Variants in CTNNA2 observed in about 807,000 individuals in gnomAD.
The protein encoded by CTNNA2 is catenin alpha-2.
In CTNNA2, 42 loss-of-function variants were observed where a neutral mutation model predicts 101.0. That is an observed-to-expected ratio of 0.42 (90% CI 0.32 to 0.54). The LOEUF is 0.54. CTNNA2 is among the 20% of genes least tolerant of loss of function. CTNNA2 has a pLI of 0.14. For synonymous variants in CTNNA2, 450 were observed against 456.4 expected (o/e 0.99, Z 0.18); for missense variants, 871 against 1,223.1 (o/e 0.71, Z 4.29).
intron 15 of CTNNA2, among the ~76,000 whole-genome samples, chr2:80,599,914 T>C (rs1697331821): frequency 7.5e-6 from 1 of 133,752 alleles, no homozygotes; most frequent in African/African-American, 2.9e-5. Flanking sequence ...CCTAATGCTA[T>C]CCCTCCCCAC....
At chr2:80,168,459 T>A (rs1269898560) in intron 7 of CTNNA2, among the ~76,000 whole-genome samples, 1 of 152,148 alleles carries the variant, frequency 6.6e-6, no homozygotes, top group African/African-American at 2.4e-5. Context: ...GTCAGATGAA[T>A]GGTACAGTCT....
intron 3 of CTNNA2, among the ~76,000 whole-genome samples, chr2:79,854,919 G>A (rs1279725811): frequency 6.6e-6 from 1 of 152,156 alleles, no homozygotes; most frequent in Non-Finnish European, 1.5e-5. Flanking sequence ...TCCTGGGAAA[G>A]TAGCTAATTT....
At chr2:80,292,500 C>G (rs1301552368) in intron 7 of CTNNA2, among the ~76,000 whole-genome samples, 2 of 152,032 alleles carry the variant, frequency 1.3e-5, no homozygotes, top group African/African-American at 4.8e-5. Flanking sequence ...AGGCTTTTTG[C>G]AGGGCTTAAA....
At chr2:79,644,113 C>T (rs1312937062) in intron 1 of CTNNA2, among the ~76,000 whole-genome samples, 1 of 152,152 alleles carries the variant, frequency 6.6e-6, no homozygotes, top group Non-Finnish European at 1.5e-5. Flanking sequence ...TCTCGGCTCA[C>T]TGCAACCTCT....
chr2:79,791,010 A>C (rs1675228555), intron 3 of CTNNA2, among the ~76,000 whole-genome samples: 1 of 152,218 alleles, frequency 6.6e-6, no homozygotes, highest in Non-Finnish European at 1.5e-5. Flanking sequence ...GAGTTGAATG[A>C]GTCATTTATT....
intron 4 of CTNNA2, among the ~76,000 whole-genome samples, chr2:79,459,237 A>G (rs578078084): frequency 2.0e-5 from 3 of 152,154 alleles, no homozygotes; most frequent in Non-Finnish European, 4.4e-5. Context: ...TGCATTGCAA[A>G]TAAAAATAAC....
chr2:80,073,732 A>T (rs891645908), intron 7 of CTNNA2, among the ~76,000 whole-genome samples: 1 of 71,126 alleles, frequency 1.4e-5, no homozygotes, highest in Non-Finnish European at 2.3e-5. Context: ...TCTCTCTGTC[A>T]CACACACACA....
At chr2:79,668,246 CAAAAAAAAAA>C (rs34348942) in intron 2 of CTNNA2, among the ~76,000 whole-genome samples, 7 of 69,308 alleles carry the variant, frequency 1.0e-4, no homozygotes, top group African/African-American at 1.4e-4. Context: ...GACTCCGTCT[CAAAAAAAAAA>C]AAAAAAAAAA....
At chr2:79,531,822 C>T (rs1672763692) in intron 1 of CTNNA2, among the ~76,000 whole-genome samples, 1 of 151,862 alleles carries the variant, frequency 6.6e-6, no homozygotes, top group Non-Finnish European at 1.5e-5. Flanking sequence ...GCTGGGATTA[C>T]AGGCGCGTGC....
chr2:79,666,113 T>C (rs1682398161), intron 2 of CTNNA2, among the ~76,000 whole-genome samples: 1 of 152,200 alleles, frequency 6.6e-6, no homozygotes, highest in Non-Finnish European at 1.5e-5. Flanking sequence ...GATTTTCCTT[T>C]AACTATTAAA....
intron 4 of CTNNA2, among the ~76,000 whole-genome samples, chr2:79,478,826 C>A (rs548685620): frequency 6.6e-6 from 1 of 152,280 alleles, no homozygotes; most frequent in South Asian, 2.1e-4. Flanking sequence ...TAATACCCAA[C>A]TGGCCCACTG....
intron 1 of CTNNA2, among the ~76,000 whole-genome samples, chr2:79,587,248 G>C (rs968013758): frequency 1.3e-5 from 2 of 152,056 alleles, no homozygotes; most frequent in African/African-American, 4.8e-5. Flanking sequence ...TCTTCACACT[G>C]TTTTTCAAAG....
chr2:79,567,209 C>T (rs954255189), intron 1 of CTNNA2, among the ~76,000 whole-genome samples: 2 of 152,142 alleles, frequency 1.3e-5, no homozygotes, highest in Admixed American at 1.3e-4. Context: ...TAATGAAGTC[C>T]TGTGGTTCCT....
intron 1 of CTNNA2, among the ~76,000 whole-genome samples, chr2:79,532,891 C>T (rs13389812): frequency 0.017 from 2,522 of 152,122 alleles, 108 homozygotes; most frequent in East Asian, 0.15. Flanking sequence ...CCGTAACTCA[C>T]GGGTCCTGTG....
At chr2:79,921,189 A>G (rs558480336) in intron 7 of CTNNA2, among the ~76,000 whole-genome samples, 1 of 152,282 alleles carries the variant, frequency 6.6e-6, no homozygotes, top group African/African-American at 2.4e-5. Flanking sequence ...CTCTAAATTG[A>G]GCAAGTACCC....
At chr2:79,286,904 G>C (rs1330752942) in intron 2 of CTNNA2, among the ~76,000 whole-genome samples, 3 of 152,164 alleles carry the variant, frequency 2.0e-5, no homozygotes, top group Admixed American at 6.5e-5. Context: ...ATCAGACATA[G>C]ATTTGGTCTT....
At chr2:80,386,098 G>C (rs979099312) in intron 7 of CTNNA2, among the ~76,000 whole-genome samples, 1 of 152,158 alleles carries the variant, frequency 6.6e-6, no homozygotes, top group Non-Finnish European at 1.5e-5. Context: ...GGGCCTGGTA[G>C]TCTCACCAAT....
chr2:79,865,056 T>C (rs1681927979), intron 4 of CTNNA2, among the ~76,000 whole-genome samples: 1 of 152,330 alleles, frequency 6.6e-6, no homozygotes, highest in East Asian at 1.9e-4. Context: ...TATAATAAAC[T>C]AAATTGTTGT....
chr2:79,499,245 G>A (rs1558682484), intron 4 of CTNNA2: 1 of 152,088 alleles, frequency 6.6e-6, no homozygotes, highest in South Asian at 2.1e-4. Flanking sequence ...CACAATAGCT[G>A]CAAGTAACAG....
Sources: allele counts gnomAD v4.1 joint callset (sites outside exome capture counted in the v4.1 genomes callset), GRCh38; gene constraint gnomAD v4.1.1; transcripts MANE v1.5; gene names NCBI Gene and HGNC (gene_info 2026-07-23, HGNC 2026-07-21).